ITFG1: variants seen among roughly 807,000 people sequenced by gnomAD.
ITFG1 encodes integrin alpha FG-GAP repeat containing 1.
A neutral mutation model predicts 81.8 loss-of-function variants in ITFG1; 34 were observed. The observed-to-expected ratio is 0.42, with a 90% confidence interval of 0.32 to 0.55. The LOEUF is 0.55. Ranked by LOEUF, ITFG1 falls within the 20% of genes least tolerant of loss-of-function variation. The pLI, the probability that ITFG1 is intolerant of heterozygous loss-of-function variation, is 0.17. For missense variants in ITFG1, 672 were observed against 755.4 expected, an observed-to-expected ratio of 0.89 and a Z score of 1.29; for synonymous variants, 285 against 270.6, an observed-to-expected ratio of 1.05 and a Z score of -0.52.
At chr16:47,423,242 C>T (rs968372643) in intron 6 of ITFG1, among the ~76,000 whole-genome samples, 2 of 148,616 alleles carry the variant, frequency 1.3e-5, no homozygotes, top group Non-Finnish European at 3.0e-5. Flanking sequence ...ACCAGGACTG[C>T]AATCCCTGAT....
intron 8 of ITFG1, among the ~76,000 whole-genome samples, chr16:47,359,144 T>A (rs1968077822): frequency 6.6e-6 from 1 of 152,100 alleles, no homozygotes; most frequent in Non-Finnish European, 1.5e-5. Flanking sequence ...GGAGCACAGG[T>A]GCATTTATAA....
chr16:47,226,772 T>A (rs1224199913), intron 13 of ITFG1, among the ~76,000 whole-genome samples: 3 of 152,084 alleles, frequency 2.0e-5, no homozygotes, highest in African/African-American at 7.2e-5. Context: ...TAAAAGGAGA[T>A]AAGGGAATAT....
intron 6 of ITFG1, among the ~76,000 whole-genome samples, chr16:47,388,229 G>A (rs938755984): frequency 6.6e-6 from 1 of 152,026 alleles, no homozygotes; most frequent in African/African-American, 2.4e-5. Flanking sequence ...CAAGATATAC[G>A]TAATGGAAGT....
intron 17 of ITFG1, chr16:47,157,443 C>G (rs1404325638): frequency 6.6e-6 from 1 of 152,154 alleles, no homozygotes; most frequent in Non-Finnish European, 1.5e-5. Flanking sequence ...TATACTTGTA[C>G]TTAAAACTTT....
At chr16:47,254,766 T>C (rs187805639) in intron 12 of ITFG1, among the ~76,000 whole-genome samples, 10 of 152,332 alleles carry the variant, frequency 6.6e-5, no homozygotes, top group African/African-American at 2.2e-4. Flanking sequence ...CTAGAAAGAA[T>C]TGATCTTTAA....
chr16:47,386,297 G>C (rs1968461060), intron 6 of ITFG1, among the ~76,000 whole-genome samples: 1 of 152,172 alleles, frequency 6.6e-6, no homozygotes, highest in Non-Finnish European at 1.5e-5. Context: ...TGTAACTTTT[G>C]AACTACTACC....
chr16:47,301,810 AT>A (rs1337380906), intron 10 of ITFG1, among the ~76,000 whole-genome samples: 5 of 152,214 alleles, frequency 3.3e-5, no homozygotes, highest in African/African-American at 1.2e-4. Context: ...TCTGGTGCTT[AT>A]TTCCAACAAC....
chr16:47,313,673 G>T, intron 9 of ITFG1, 56 bp downstream of exon 9: 1 of 932,340 alleles, frequency 1.1e-6, no homozygotes, highest in South Asian at 1.6e-5. Context: ...AACCTTAGAA[G>T]ATTTTTTTCC....
intron 8 of ITFG1, among the ~76,000 whole-genome samples, chr16:47,329,880 A>G (rs1231331934): frequency 2.0e-5 from 3 of 152,136 alleles, no homozygotes; most frequent in Admixed American, 6.6e-5. Context: ...TTCTTGGCAC[A>G]TAAGAGCTAA....
chr16:47,362,738 C>T (rs1968125211), intron 8 of ITFG1, among the ~76,000 whole-genome samples: 1 of 152,202 alleles, frequency 6.6e-6, no homozygotes, highest in Admixed American at 6.5e-5. Flanking sequence ...GACTTATTAG[C>T]ACTTTTTCCA....
intron 14 of ITFG1, chr16:47,202,157 T>G (rs534706904): frequency 6.6e-6 from 1 of 152,224 alleles, no homozygotes; most frequent in Non-Finnish European, 1.5e-5. Context: ...AACTAGATAA[T>G]AGTAGACATT....
chr16:47,161,779 G>T lies in ITFG1; in HGVS notation c.1632C>A (p.Val544=). The change falls in exon 16 of 18, where the codon GTC becomes GTA. Residue 544 remains valine (V), a synonymous_variant. Transcript: ENST00000320640. ...GAGGGACATTGTGAGGGTATGGAATGACAATTAGCTGGGAATTTGGAATGA... is the reference window on the plus strand; with the variant it reads ...GAGGGACATTGTGAGGGTATGGAATTACAATTAGCTGGGAATTTGGAATGA... The part of the protein sequence containing the change: ...TAIIPNSQLI[V]IPYPHNVPRS... 1 of 1,611,820 alleles carries T rather than the reference G, an allele frequency of 6.2e-7. No homozygotes were observed. The highest frequency in any genetic ancestry group is 1.1e-5 in the South Asian group (1 of 91,000).
At chr16:47,381,798 C>T (rs868433730) in intron 6 of ITFG1, among the ~76,000 whole-genome samples, 3 of 152,156 alleles carry the variant, frequency 2.0e-5, no homozygotes, top group Admixed American at 6.5e-5. Flanking sequence ...CAGGTCATGC[C>T]AGCTCTCACT....
chr16:47,242,868 G>T (rs1965951467), intron 12 of ITFG1, among the ~76,000 whole-genome samples: 1 of 152,250 alleles, frequency 6.6e-6, no homozygotes, highest in East Asian at 1.9e-4. Context: ...AACTAATAAG[G>T]GGGCTGGAGG....
At chr16:47,207,498 G>A (rs1296799107) in intron 14 of ITFG1, among the ~76,000 whole-genome samples, 1 of 152,170 alleles carries the variant, frequency 6.6e-6, no homozygotes. Flanking sequence ...GAGTGTTGTG[G>A]TTTTCAAAAA....
chr16:47,297,522 C>CTATTTGTG (rs908857936), intron 10 of ITFG1, among the ~76,000 whole-genome samples: 1 of 151,942 alleles, frequency 6.6e-6, no homozygotes, highest in African/African-American at 2.4e-5. Context: ...TAGGTCCAGT[C>CTATTTGTG]TATTTGTGAC....
Position 47,461,021 on chromosome 16 carries a change from T to C in ITFG1, c.25A>G (p.Ser9Gly), listed in dbSNP as rs1214931870. The change falls in exon 1 of 18, where the codon AGC becomes GGC. Residue 9 changes from serine (S) to glycine (G), a missense_variant. Ser to Gly is a moderately conservative substitution (Grantham distance 56). Around this residue, in one of 3 missense-constraint regions of ITFG1, gnomAD observed 47 missense variants for 26.4 expected, o/e 1.78. Coordinates refer to ENST00000320640, the MANE Select transcript of ITFG1 (RefSeq NM_030790.5). MAAAGRLPSSWALFSPLLA... is the reference protein window; with the variant it reads MAAAGRLPGSWALFSPLLA... ...AGCGGCGAGAAGAGGGCCCAGGAGC[T>C]CGGGAGCCGGCCCGCCGCCGCCATG... The C allele has an allele frequency of 1.3e-6, 2 of 1,544,960 alleles. No individual in the cohort carries two copies. The highest frequency in any genetic ancestry group is 2.0e-5 in the Admixed American group (1 of 51,116).
rs556263483 is a variant in ITFG1 at position 47,303,270 on chromosome 16, CA to C, written c.1070+7969del. On this transcript the variant is annotated intron_variant, in intron 10 of 17. Transcript: ENST00000320640. ...TGGATGACAGAGCGAGACTCCATCT[CA>C]AAAAAAAAAGAGACAATAATGCTGA... Among the ~76,000 whole-genome samples, 1,421 of 145,276 alleles carry C rather than the reference CA, an allele frequency of 9.8e-3. 13 individuals are homozygous for C. Among genetic ancestry groups the C allele is most frequent in the South Asian group, 0.029 (132 of 4,566 alleles).
intron 14 of ITFG1, among the ~76,000 whole-genome samples, chr16:47,179,274 G>A (rs950236249): frequency 7.2e-5 from 11 of 152,134 alleles, no homozygotes; most frequent in African/African-American, 9.7e-5. Context: ...AGACACATGC[G>A]CACATATGTT....
Sources: gnomAD v4.1 joint callset for allele counts (sites outside exome capture counted in the v4.1 genomes callset) on GRCh38, gnomAD v4.1.1 for gene constraint, gnomAD v4.1.1 regional missense constraint, MANE v1.5 for transcripts, NCBI Gene and HGNC (gene_info 2026-07-23, HGNC 2026-07-21) for gene names.